Variants in NCOA1 observed in about 807,000 individuals in gnomAD.
NCOA1 encodes the protein nuclear receptor coactivator 1.
Under a neutral mutation model 150.9 loss-of-function variants are expected in NCOA1, and 35 were observed. The observed-to-expected ratio is 0.23, with a 90% CI of 0.18 to 0.31. The LOEUF is 0.31. NCOA1 is among the 10% of genes least tolerant of loss of function. The pLI is 1.00. For synonymous variants in NCOA1, 590 were observed against 630.0 expected (o/e 0.94, Z 0.95); for missense variants, 1,491 against 1,749.3 (o/e 0.85, Z 2.63).
intron 16 of NCOA1, among the ~76,000 whole-genome samples, chr2:24,728,860 C>T (rs1424234830): frequency 6.6e-6 from 1 of 152,192 alleles, no homozygotes; most frequent in Non-Finnish European, 1.5e-5. Context: ...CACTTTAGTG[C>T]ATCTTGACCA....
At chr2:24,767,784 A>C (rs1665143193) in intron 22 of NCOA1, 1 of 321,858 alleles carries the variant, frequency 3.1e-6, no homozygotes, top group Non-Finnish European at 5.7e-6. Flanking sequence ...ATACTGGTTG[A>C]AAGCCCTTTA....
chr2:24,620,272 A>T (rs1325836807), intron 3 of NCOA1, among the ~76,000 whole-genome samples: 1 of 152,198 alleles, frequency 6.6e-6, no homozygotes, highest in African/African-American at 2.4e-5. Flanking sequence ...TGGTTTGTTC[A>T]GCTTTTACAG....
chr2:24,632,114 G>A (rs1435815820), intron 3 of NCOA1, among the ~76,000 whole-genome samples: 2 of 152,066 alleles, frequency 1.3e-5, no homozygotes, highest in East Asian at 1.9e-4. Context: ...AACAAAAATA[G>A]GATAAATAAG....
intron 3 of NCOA1, among the ~76,000 whole-genome samples, chr2:24,632,420 T>A (rs1420628622): frequency 2.0e-5 from 3 of 152,226 alleles, no homozygotes; most frequent in African/African-American, 4.8e-5. Context: ...TTCTTCACTC[T>A]CTGTCACTGT....
intron 20 of NCOA1, among the ~76,000 whole-genome samples, chr2:24,754,338 C>G (rs987571382): frequency 1.3e-5 from 2 of 152,174 alleles, no homozygotes; most frequent in Non-Finnish European, 2.9e-5. Flanking sequence ...GCCCGTAAAA[C>G]CCCACATCAT....
chr2:24,554,036 C>G (rs1388108127), intron 1 of NCOA1, among the ~76,000 whole-genome samples: 3 of 152,132 alleles, frequency 2.0e-5, no homozygotes, highest in African/African-American at 7.2e-5. Flanking sequence ...GCTATAAAAT[C>G]TCTAGTGATG....
chr2:24,673,142 T>C (rs1671757535), intron 6 of NCOA1, among the ~76,000 whole-genome samples: 1 of 152,258 alleles, frequency 6.6e-6, no homozygotes, highest in Non-Finnish European at 1.5e-5. Context: ...ATGTTCATGC[T>C]ACCATGTATT....
At chr2:24,703,522 A>G (rs1159744025) in intron 11 of NCOA1, among the ~76,000 whole-genome samples, 2 of 152,224 alleles carry the variant, frequency 1.3e-5, no homozygotes, top group African/African-American at 2.4e-5. Context: ...CCCTAAATTC[A>G]GGAATTTTTC....
chr2:24,654,837 TC>T (rs1414115527), intron 4 of NCOA1, among the ~76,000 whole-genome samples: 1 of 151,972 alleles, frequency 6.6e-6, no homozygotes. Flanking sequence ...TCCTTCTACC[TC>T]CCCTTGCCAG....
intron 19 of NCOA1, among the ~76,000 whole-genome samples, chr2:24,743,551 A>C (rs1027431606): frequency 6.6e-6 from 1 of 152,246 alleles, no homozygotes; most frequent in African/African-American, 2.4e-5. Context: ...ATAAATCCAT[A>C]TTTTAATTAT....
At chr2:24,658,639 T>C (rs750188007) in intron 4 of NCOA1, 22 bp from the exon 5 acceptor site, 1 of 1,566,106 alleles carries the variant, frequency 6.4e-7, no homozygotes, top group Non-Finnish European at 8.8e-7. Context: ...GTAGATTTCT[T>C]ACTGTTGTCC....
intron 3 of NCOA1, among the ~76,000 whole-genome samples, chr2:24,589,937 T>C (rs962118623): frequency 2.0e-4 from 31 of 152,162 alleles, no homozygotes; most frequent in Admixed American, 8.5e-4. Context: ...TCATATTTTT[T>C]CTAATTTATA....
chr2:24,726,558 A>G (rs1490577374), intron 14 of NCOA1, 31 bp from the exon 15 acceptor site: 1 of 1,413,048 alleles, frequency 7.1e-7, no homozygotes, highest in Non-Finnish European at 9.9e-7. Context: ...CCACTGAGAT[A>G]ATGACTTCTT....
At position 24,770,028 on chromosome 2, in the gene NCOA1, C is replaced by T. The variant is rs931724836; in HGVS notation, c.*1637C>T. The T allele has an allele frequency of 8.8e-6, 2 of 228,330 alleles. No individual in the cohort carries two copies. The highest frequency in any genetic ancestry group is 8.7e-6 in the Non-Finnish European group (1 of 114,874). 14.1% of individuals were successfully genotyped at this position (228,330 alleles called of 1,614,324 possible). ...TTCTGCATCTCACCACCCCTAGTTA[C>T]AAATAACTCCATTGAACAGCATCTA... On this transcript the variant is annotated 3_prime_UTR_variant, in exon 23 of 23. Transcript: ENST00000348332.
chr2:24,634,263 T>C (rs1669835619), intron 3 of NCOA1, among the ~76,000 whole-genome samples: 1 of 152,178 alleles, frequency 6.6e-6, no homozygotes, highest in Non-Finnish European at 1.5e-5. Flanking sequence ...GCTTTATCAG[T>C]GATGCTTCAT....
rs56177436 is a variant in NCOA1, at chr2:24,727,221, C to T, written c.2717+515C>T. On this transcript the variant is annotated intron_variant, in intron 15 of 22. Transcript: ENST00000348332. Reference sequence around the variant, plus strand: ...AACAGATTTATTGACTGCATGACCACAAGGCTAGTATACGTTGTAATCACC... The same window carrying T: ...AACAGATTTATTGACTGCATGACCATAAGGCTAGTATACGTTGTAATCACC... Among the ~76,000 whole-genome samples, 87 of 150,116 alleles carry T rather than the reference C, an allele frequency of 5.8e-4. 1 individual carries two copies. Among genetic ancestry groups the T allele is most frequent in the African/African-American group, 2.0e-3 (82 of 40,786 alleles).
chr2:24,570,641 G>A (rs770071220), intron 2 of NCOA1, among the ~76,000 whole-genome samples: 5 of 152,154 alleles, frequency 3.3e-5, no homozygotes, highest in Non-Finnish European at 4.4e-5. Flanking sequence ...GGGCAGAAAC[G>A]GACATTAGCT....
intron 17 of NCOA1, among the ~76,000 whole-genome samples, chr2:24,732,188 G>C (rs1198145350): frequency 2.0e-5 from 3 of 152,174 alleles, no homozygotes; most frequent in African/African-American, 7.2e-5. Context: ...CTGATAAGCA[G>C]AGAAGCCCTG....
chr2:24,530,573 C>T (rs1572387747), intron 1 of NCOA1, among the ~76,000 whole-genome samples: 1 of 152,200 alleles, frequency 6.6e-6, no homozygotes, highest in Non-Finnish European at 1.5e-5. Context: ...ACCAGTTCAT[C>T]ATCTATATGC....
Sources: gnomAD v4.1 joint callset for allele counts (sites outside exome capture counted in the v4.1 genomes callset) on GRCh38, gnomAD v4.1.1 for gene constraint, MANE v1.5 for transcripts, NCBI Gene and HGNC (gene_info 2026-07-23, HGNC 2026-07-21) for gene names.